The following HMGA2 variants were observed in gnomAD, a reference collection of about 807,000 sequenced individuals.
HMGA2 encodes the protein high mobility group protein HMGI-C.
Under a neutral mutation model 19.1 loss-of-function variants are expected in HMGA2, and 8 were observed. The ratio of observed to expected loss-of-function variants is 0.42; its 90% CI spans 0.25 to 0.76. The LOEUF is 0.76. Ranked by LOEUF, HMGA2 falls within the 30% of genes least tolerant of loss-of-function variation. The probability of loss-of-function intolerance (pLI) is 0.28; values close to 1 mark genes in which losing one functional copy is unlikely to be tolerated. For synonymous variants in HMGA2, 60 were observed against 48.8 expected, an observed-to-expected ratio of 1.23 and a Z score of -0.96; for missense variants, 109 against 136.3, an observed-to-expected ratio of 0.80 and a Z score of 1.00.
At chr12:65,835,985 A>G (rs1000631157) in intron 2 of HMGA2, among the ~76,000 whole-genome samples, 1 of 152,250 alleles carries the variant, frequency 6.6e-6, no homozygotes, top group African/African-American at 2.4e-5. Context: ...ACACTCATGT[A>G]TAACTCACTA....
Position 65,875,318 on chromosome 12 carries a change from T to C in HMGA2, c.249+36749T>C, listed in dbSNP as rs528829204. Among the ~76,000 whole-genome samples, 5 of 152,228 alleles carry C rather than the reference T, an allele frequency of 3.3e-5. No individual in the cohort carries two copies. The South Asian group carries it at 1.0e-3, about 31-fold the overall frequency. On this transcript the variant is annotated intron_variant, in intron 3 of 4. Coordinates refer to ENST00000403681, the MANE Select transcript of HMGA2 (RefSeq NM_003483.6). ...ACTATTCTAAGGTGATCTATTTACA[T>C]ACACTAGAGCTTGCAGTTTATGACA... is the stretch of plus-strand genomic sequence containing the variant.
chr12:65,852,479 G>T (rs1871526583), intron 3 of HMGA2, among the ~76,000 whole-genome samples: 1 of 151,988 alleles, frequency 6.6e-6, no homozygotes, highest in Non-Finnish European at 1.5e-5. Context: ...CTCTGGCCTG[G>T]GTGACAGAGC....
intron 3 of HMGA2, chr12:65,859,771 T>C (rs1871951446): frequency 5.5e-6 from 1 of 180,868 alleles, no homozygotes; most frequent in African/African-American, 2.3e-5. Context: ...TCATTGGAAG[T>C]TGAAAATATC....
chr12:65,911,512 G>A (rs1435771948), intron 3 of HMGA2, among the ~76,000 whole-genome samples: 1 of 152,140 alleles, frequency 6.6e-6, no homozygotes, highest in Non-Finnish European at 1.5e-5. Context: ...CAGGACTCCA[G>A]GGAAAGCTGT....
intron 3 of HMGA2, chr12:65,881,809 A>G: frequency 1.4e-6 from 1 of 703,028 alleles, no homozygotes; most frequent in Admixed American, 2.0e-5. Flanking sequence ...CCTTGCGCGC[A>G]AGTGGTGGGA....
chr12:65,845,093 G>A (rs1013125883), intron 3 of HMGA2, among the ~76,000 whole-genome samples: 14 of 152,028 alleles, frequency 9.2e-5, no homozygotes, highest in Admixed American at 2.0e-4. Context: ...AGTATTTATG[G>A]ATGGTAGTAA....
intron 3 of HMGA2, among the ~76,000 whole-genome samples, chr12:65,944,456 C>G (rs557590085): frequency 1.3e-5 from 2 of 152,258 alleles, no homozygotes; most frequent in South Asian, 4.2e-4. Flanking sequence ...ACTGGAACAC[C>G]ACACCTGGTA....
At chr12:65,927,578 T>C (rs997748172) in intron 3 of HMGA2, among the ~76,000 whole-genome samples, 1 of 152,186 alleles carries the variant, frequency 6.6e-6, no homozygotes, top group African/African-American at 2.4e-5. Flanking sequence ...GTGATCTCCA[T>C]TTGAGATGGA....
intron 2 of HMGA2, among the ~76,000 whole-genome samples, chr12:65,832,246 G>A (rs575533179): frequency 6.6e-6 from 1 of 152,064 alleles, no homozygotes; most frequent in African/African-American, 2.4e-5. Context: ...ATCTGGTAAT[G>A]CTTTTAATCA....
intron 3 of HMGA2, among the ~76,000 whole-genome samples, chr12:65,920,104 C>G (rs1394166874): frequency 6.6e-6 from 1 of 152,162 alleles, no homozygotes; most frequent in East Asian, 1.9e-4. Context: ...TACATAGTAA[C>G]TCTTTTAAAG....
At chr12:65,852,667 G>T (rs1046236139) in intron 3 of HMGA2, among the ~76,000 whole-genome samples, 2 of 151,954 alleles carry the variant, frequency 1.3e-5, no homozygotes, top group African/African-American at 4.8e-5. Context: ...ATTTCCATCT[G>T]CTCTTATGGT....
intron 3 of HMGA2, among the ~76,000 whole-genome samples, chr12:65,880,737 T>C: frequency 6.6e-6 from 1 of 152,182 alleles, no homozygotes; most frequent in East Asian, 1.9e-4. Context: ...GTAAAGAGAT[T>C]CTTATTCCAG....
At chr12:65,850,514 ATT>A (rs75062051) in intron 3 of HMGA2, among the ~76,000 whole-genome samples, 10 of 143,828 alleles carry the variant, frequency 7.0e-5, no homozygotes, top group Admixed American at 1.4e-4. Flanking sequence ...AAGAGACCGA[ATT>A]TTTTTTTTTT....
intron 2 of HMGA2, among the ~76,000 whole-genome samples, chr12:65,837,887 CT>C (rs1373766029): frequency 6.6e-6 from 1 of 151,928 alleles, no homozygotes; most frequent in African/African-American, 2.4e-5. Context: ...TTTCTGCCTG[CT>C]TTTTTTTCCT....
intron 3 of HMGA2, among the ~76,000 whole-genome samples, chr12:65,878,853 C>T (rs1226363090): frequency 1.3e-5 from 2 of 152,116 alleles, no homozygotes; most frequent in African/African-American, 4.8e-5. Context: ...TCATACTAGT[C>T]GAAGATCACA....
intron 3 of HMGA2, chr12:65,881,917 T>C (rs1180458834): frequency 5.7e-6 from 4 of 701,956 alleles, no homozygotes; most frequent in Non-Finnish European, 1.0e-5. Context: ...GTTTCCATGC[T>C]GCAGAAGGCA....
At chr12:65,900,976 AT>A (rs1308131423) in intron 3 of HMGA2, among the ~76,000 whole-genome samples, 1 of 152,238 alleles carries the variant, frequency 6.6e-6, no homozygotes, top group Admixed American at 6.5e-5. Context: ...GGACTTTACT[AT>A]TATTTATGCT....
chr12:65,945,740 G>T (rs146417044), intron 3 of HMGA2, among the ~76,000 whole-genome samples: 1 of 152,244 alleles, frequency 6.6e-6, no homozygotes, highest in East Asian at 1.9e-4. Context: ...AATTTGAGCT[G>T]TGTCTACTTA....
chr12:65,849,286 G>A (rs1365326220), intron 3 of HMGA2, among the ~76,000 whole-genome samples: 2 of 152,114 alleles, frequency 1.3e-5, no homozygotes, highest in Non-Finnish European at 2.9e-5. Flanking sequence ...GCATGCCTGG[G>A]CCCACTCTCC....
Sources: gnomAD v4.1 joint callset for allele counts (sites outside exome capture counted in the v4.1 genomes callset) on GRCh38, gnomAD v4.1.1 for gene constraint, MANE v1.5 for transcripts, NCBI Gene and HGNC (gene_info 2026-07-23, HGNC 2026-07-21) for gene names.